The following VPS41 variants were observed in gnomAD, a reference collection of about 807,000 sequenced individuals.
VPS41 encodes VPS41 subunit of HOPS complex, also known as vacuolar protein sorting-associated protein 41 homolog.
VPS41 carries 85 observed loss-of-function variants against 130.9 expected under a neutral mutation model. The observed-to-expected ratio is 0.65, with a 90% CI of 0.55 to 0.78. VPS41 has a LOEUF of 0.78. Ranked by LOEUF, VPS41 falls within the 30% of genes least tolerant of loss-of-function variation. The pLI, the probability that VPS41 is intolerant of heterozygous loss-of-function variation, is 0.00. For missense variants in VPS41, 874 were observed against 1,018.7 expected (o/e 0.86, Z 1.93); for synonymous variants, 335 against 332.9 (o/e 1.01, Z -0.07).
At chr7:38,846,622 G>A (rs778448739) in intron 4 of VPS41, among the ~76,000 whole-genome samples, 1 of 152,114 alleles carries the variant, frequency 6.6e-6, no homozygotes, top group Non-Finnish European at 1.5e-5. Flanking sequence ...TCAGGGAGGG[G>A]AATAACAAAA....
Position 38,728,562 on chromosome 7 carries a change from A to G in VPS41, c.2384T>C (p.Leu795Pro). 1 of 1,614,172 alleles carries G rather than the reference A, an allele frequency of 6.2e-7. No homozygotes were observed. The highest frequency in any genetic ancestry group is 8.5e-7 in the Non-Finnish European group (1 of 1,180,026). The stretch of plus-strand genomic sequence containing the variant: ...CTTACCTGATGGAAGAATAGGGGAA[A>G]GGCACGACTCACAGATGTTCTCCTC... ...VDEENICESC[L>P]SPILPSDAAK... Residue 795 changes from leucine (L) to proline (P), a missense_variant, in exon 27 of 29, where the codon CTT becomes CCT. By Grantham distance (98) the Leu-to-Pro change is moderately conservative. Coordinates refer to ENST00000310301, the MANE Select transcript of VPS41 (RefSeq NM_014396.4).
At chr7:38,782,945 C>T (rs924839885) in intron 10 of VPS41, among the ~76,000 whole-genome samples, 4 of 151,728 alleles carry the variant, frequency 2.6e-5, no homozygotes, top group Admixed American at 2.0e-4. Context: ...GGTAAAACCC[C>T]GCCTCTATTA....
chr7:38,727,070 T>C, intron 27 of VPS41, 82 bp from the exon 28 acceptor site: 1 of 1,311,026 alleles, frequency 7.6e-7, no homozygotes, highest in East Asian at 2.8e-5. Context: ...GAAAGTCGAG[T>C]TGCAGTTTAA....
chr7:38,882,537 C>G lies in VPS41; in HGVS notation c.61-13284G>C, dbSNP rs368719982. 4.6e-5 allele frequency among the ~76,000 whole-genome samples: 7 copies of G among 152,306 alleles called. No homozygotes were observed. In the East Asian group the frequency reaches 1.2e-3, roughly 25 times the overall value. On this transcript the variant is annotated intron_variant, in intron 2 of 28. Coordinates refer to ENST00000310301, the MANE Select transcript of VPS41 (RefSeq NM_014396.4). ...AGTCCAGACTTGAACTACTCTTCTTCAGGTCTACTAGACAATTCCACTTGG... is the reference window on the plus strand; with the variant it reads ...AGTCCAGACTTGAACTACTCTTCTTGAGGTCTACTAGACAATTCCACTTGG...
intron 7 of VPS41, among the ~76,000 whole-genome samples, chr7:38,797,761 G>A (rs1266975003): frequency 6.6e-6 from 1 of 152,098 alleles, no homozygotes; most frequent in East Asian, 1.9e-4. Context: ...CCCCAAAAGA[G>A]GCAGGGGAAA....
intron 10 of VPS41, among the ~76,000 whole-genome samples, chr7:38,783,404 A>G (rs1229257595): frequency 1.3e-5 from 2 of 151,932 alleles, no homozygotes; most frequent in East Asian, 1.9e-4. Context: ...GCGTGGTGGC[A>G]GGCGCCTGTA....
intron 9 of VPS41, among the ~76,000 whole-genome samples, chr7:38,793,632 T>C (rs1413504055): frequency 3.3e-5 from 5 of 152,204 alleles, no homozygotes; most frequent in Non-Finnish European, 7.3e-5. Context: ...AAACATCTGT[T>C]ACAGTTCCGC....
intron 4 of VPS41, among the ~76,000 whole-genome samples, chr7:38,843,887 T>A (rs996409151): frequency 1.3e-5 from 2 of 152,274 alleles, no homozygotes; most frequent in East Asian, 3.9e-4. Flanking sequence ...AAAAGTGGCA[T>A]GGCCGGGTTA....
chr7:38,786,732 T>C (rs1784445392), intron 10 of VPS41, among the ~76,000 whole-genome samples: 1 of 152,116 alleles, frequency 6.6e-6, no homozygotes, highest in African/African-American at 2.4e-5. Context: ...CATACATACC[T>C]AGATCCTCAA....
At chr7:38,817,565 C>G (rs1221677570) in intron 7 of VPS41, among the ~76,000 whole-genome samples, 1 of 152,182 alleles carries the variant, frequency 6.6e-6, no homozygotes, top group Non-Finnish European at 1.5e-5. Context: ...CTGCAGTGAG[C>G]CAAGATCACG....
At chr7:38,908,790 G>A (rs1275855314) in intron 1 of VPS41, among the ~76,000 whole-genome samples, 1 of 152,184 alleles carries the variant, frequency 6.6e-6, no homozygotes, top group Non-Finnish European at 1.5e-5. Flanking sequence ...ACTTCAAGTG[G>A]AAAGCAACTT....
At chr7:38,767,089 C>T (rs1032735334) in intron 15 of VPS41, among the ~76,000 whole-genome samples, 5 of 152,092 alleles carry the variant, frequency 3.3e-5, no homozygotes, top group Middle Eastern at 3.2e-3. Flanking sequence ...GTTTGGGGAT[C>T]GGGGCAAATG....
chr7:38,749,058 C>T (rs1357079162), intron 22 of VPS41, among the ~76,000 whole-genome samples: 1 of 151,894 alleles, frequency 6.6e-6, no homozygotes, highest in Non-Finnish European at 1.5e-5. Context: ...TTATAAATTC[C>T]CACAAACTCT....
chr7:38,887,928 T>C (rs1164686225), intron 2 of VPS41, among the ~76,000 whole-genome samples: 1 of 152,190 alleles, frequency 6.6e-6, no homozygotes. Flanking sequence ...CCAGTCAAAC[T>C]AAGCTTCATA....
In VPS41 at chr7:38,774,240, C is replaced by A; in HGVS notation, c.887G>T (p.Arg296Ile). 6.3e-7 allele frequency: 1 copy of A among 1,576,284 alleles called. No homozygotes were observed. The highest frequency in any genetic ancestry group is 8.6e-7 in the Non-Finnish European group (1 of 1,159,508). The change falls in exon 12 of 29, where the codon AGA (arginine) becomes ATA (isoleucine). Residue 296 changes from arginine to isoleucine, a missense_variant. Coordinates refer to ENST00000310301, the MANE Select transcript of VPS41 (RefSeq NM_014396.4). Reference protein sequence around the residue: ...YVKEISEKTEREYCARPRLDI... With the variant: ...YVKEISEKTEIEYCARPRLDI... ...CAGTCTAGGCCTGGCACAGTATTCT[C>A]TTTCCTAGTGGGGGAAAAGAGAGAA...
chr7:38,809,621 T>A (rs1261427049), intron 7 of VPS41, among the ~76,000 whole-genome samples: 1 of 152,042 alleles, frequency 6.6e-6, no homozygotes, highest in Non-Finnish European at 1.5e-5. Context: ...TCAGGTAAAA[T>A]TTGCCATTTC....
In VPS41 at chr7:38,767,564, T is replaced by C. The variant is rs1047837091; in HGVS notation, c.1220A>G (p.Glu407Gly). The C allele has an allele frequency of 5.0e-6, 8 of 1,610,264 alleles. No individual in the cohort carries two copies. Among genetic ancestry groups the C allele is most frequent in the Non-Finnish European group, 6.8e-6 (8 of 1,177,642 alleles). ...TGCTGCTATGTCATAGTCTCCTCTC[T>C]CCACCAGGTGATTTATATATGCCAA... ...IGLAYINHLV[E>G]RGDYDIAARK... The change falls in exon 15 of 29, where the codon GAG becomes GGG. Residue 407 changes from glutamate (E) to glycine (G), a missense_variant. Glu to Gly is a moderately conservative substitution (Grantham distance 98). Coordinates refer to ENST00000310301, the MANE Select transcript of VPS41 (RefSeq NM_014396.4).
At chr7:38,859,741 G>A (rs1786063153) in intron 4 of VPS41, among the ~76,000 whole-genome samples, 1 of 152,130 alleles carries the variant, frequency 6.6e-6, no homozygotes, top group Admixed American at 6.5e-5. Flanking sequence ...GCATCCCACT[G>A]TTAAACGACG....
At chr7:38,755,056 G>T in intron 19 of VPS41, 120 bp from the exon 20 acceptor site, 1 of 839,794 alleles carries the variant, frequency 1.2e-6, no homozygotes, top group Non-Finnish European at 1.9e-6. Flanking sequence ...TATACTTAAG[G>T]AGGCCCTTGG....
Sources: allele counts gnomAD v4.1 joint callset (sites outside exome capture counted in the v4.1 genomes callset), GRCh38; gene constraint gnomAD v4.1.1; transcripts MANE v1.5; gene names NCBI Gene and HGNC (gene_info 2026-07-23, HGNC 2026-07-21).